CEP97: variants seen among roughly 807,000 people sequenced by gnomAD.
CEP97 encodes the protein centrosomal protein of 97 kDa.
Under a neutral mutation model 73.1 loss-of-function variants are expected in CEP97, and 43 were observed. The observed-to-expected ratio is 0.59, with a 90% CI of 0.46 to 0.76. CEP97 has a LOEUF of 0.76. CEP97 is among the 30% of genes least tolerant of loss of function. The pLI is 0.00. For synonymous variants in CEP97, 337 were observed against 370.0 expected (o/e 0.91, Z 1.02); for missense variants, 939 against 1,014.0 (o/e 0.93, Z 1.00).
intron 6 of CEP97, among the ~76,000 whole-genome samples, chr3:101,749,482 T>C (rs1264139180): frequency 7.4e-6 from 1 of 134,318 alleles, no homozygotes; most frequent in African/African-American, 2.8e-5. Context: ...TATAGCAGCA[T>C]GATTTATAGT....
chr3:101,764,424 C>T (rs1244180663), intron 10 of CEP97, among the ~76,000 whole-genome samples: 1 of 152,078 alleles, frequency 6.6e-6, no homozygotes, highest in Non-Finnish European at 1.5e-5. Context: ...CCAGCCTGAC[C>T]AACATGGGGA....
intron 6 of CEP97, among the ~76,000 whole-genome samples, chr3:101,749,265 A>G (rs1560015988): frequency 1.3e-5 from 2 of 151,112 alleles, no homozygotes; most frequent in South Asian, 2.1e-4. Flanking sequence ...TGTCCTTGTG[A>G]TAGTTTACTG....
intron 6 of CEP97, among the ~76,000 whole-genome samples, chr3:101,739,653 A>G (rs985633157): frequency 2.0e-5 from 3 of 152,200 alleles, no homozygotes; most frequent in African/African-American, 4.8e-5. Flanking sequence ...CACGACTGTA[A>G]TCCCAGCACT....
rs143625330 is a variant in CEP97 at position 101,745,992 on chromosome 3, G to A, written c.729-9438G>A. Among the ~76,000 whole-genome samples the A allele has an allele frequency of 8.7e-3, 1,317 of 152,146 alleles. 16 individuals are homozygous for A. The highest frequency in any genetic ancestry group is 0.031 in the African/African-American group (1,266 of 41,488). ...CATTGTTCAATTCCCACCTATGAGT[G>A]AGAATATGCGGTGTTTGGTTTTTTG... On this transcript the variant is annotated intron_variant, in intron 6 of 10. Transcript: ENST00000341893.
chr3:101,745,774 C>CTT (rs939023256), intron 6 of CEP97, among the ~76,000 whole-genome samples: 1 of 151,022 alleles, frequency 6.6e-6, no homozygotes, highest in South Asian at 2.1e-4. Context: ...TATTATTATA[C>CTT]TTTAAGTTTT....
At chr3:101,758,688 GGA>G in intron 9 of CEP97, 1 of 387,982 alleles carries the variant, frequency 2.6e-6, no homozygotes, top group Non-Finnish European at 4.6e-6. Flanking sequence ...AGCTTTATAG[GGA>G]TCTATAATTC....
chr3:101,747,413 C>T (rs1013481718), intron 6 of CEP97, among the ~76,000 whole-genome samples: 5 of 150,854 alleles, frequency 3.3e-5, no homozygotes, highest in African/African-American at 1.2e-4. Flanking sequence ...GCGCCTGCCA[C>T]CACGCCCGGC....
At chr3:101,733,742 G>T (rs111892438) in intron 6 of CEP97, among the ~76,000 whole-genome samples, 1 of 151,970 alleles carries the variant, frequency 6.6e-6, no homozygotes, top group Non-Finnish European at 1.5e-5. Context: ...GTTTTAGCCG[G>T]TATGGTCTCG....
intron 3 of CEP97, 79 bp from the exon 4 acceptor site, chr3:101,728,757 T>G: frequency 1.1e-6 from 1 of 900,400 alleles, no homozygotes; most frequent in South Asian, 1.4e-5. Context: ...AGACACTCTT[T>G]CAGCTGCAAA....
rs1187765376 is a variant in CEP97, at chr3:101,765,161, C to G, written c.2208C>G (p.Ser736=). ...GTGAAAGCTCCATAATGGGGAATTC[C>G]ATTGACACAGTCAGATATGGCAAAG... ...EGSESSIMGN[S]IDTVRYGKES... is the part of the protein sequence containing the mutation. The change falls in exon 11 of 11, where the codon TCC becomes TCG. Residue 736 remains serine (S), a synonymous_variant. Transcript: ENST00000341893. 6 of 1,614,062 alleles carry G rather than the reference C, an allele frequency of 3.7e-6. No individual in the cohort carries two copies. Among genetic ancestry groups the G allele is most frequent in the Admixed American group, 3.3e-5 (2 of 60,006 alleles).
At chr3:101,748,826 G>C (rs1163291883) in intron 6 of CEP97, among the ~76,000 whole-genome samples, 1 of 152,098 alleles carries the variant, frequency 6.6e-6, no homozygotes, top group Non-Finnish European at 1.5e-5. Context: ...ATTTTTAGTA[G>C]AGACGGGGTT....
At chr3:101,762,288 T>C (rs2107192316) in intron 9 of CEP97, among the ~76,000 whole-genome samples, 197 bp from the exon 10 acceptor site, 1 of 152,334 alleles carries the variant, frequency 6.6e-6, no homozygotes, top group East Asian at 1.9e-4. Context: ...TGATGTCACT[T>C]ATAAAACTGT....
At position 101,765,367 on chromosome 3, in the gene CEP97, T is replaced by G. The variant is rs1247908017; in HGVS notation, c.2414T>G (p.Phe805Cys). The change falls in exon 11 of 11, where the codon TTC (phenylalanine) becomes TGC (cysteine). Residue 805 changes from phenylalanine (F) to cysteine (C), a missense_variant. Phe to Cys is a radical substitution (Grantham distance 205, BLOSUM62 -2). Transcript: ENST00000341893. ...GATAGCAAACTTCACATTGCTTGTT[T>G]CCCAGTACAGTTAGATACATTGTCT... ...TRDSKLHIACFPVQLDTLSDG... is the reference protein window; with the variant it reads ...TRDSKLHIACCPVQLDTLSDG... 1 of 1,614,072 alleles carries G rather than the reference T, an allele frequency of 6.2e-7. No individual in the cohort carries two copies. The highest frequency in any genetic ancestry group is 8.5e-7 in the Non-Finnish European group (1 of 1,180,042).
chr3:101,763,098 C>T (rs901338601), intron 10 of CEP97: 7 of 1,192,182 alleles, frequency 5.9e-6, no homozygotes, highest in Non-Finnish European at 5.5e-6. Flanking sequence ...TTCATTTCTT[C>T]TTTTTTATAG....
intron 10 of CEP97, 117 bp from the exon 11 acceptor site, chr3:101,764,730 C>G: frequency 1.2e-6 from 1 of 823,894 alleles, no homozygotes. Context: ...CTGCAGTGAG[C>G]CATGATTGTG....
At chr3:101,732,717 A>G (rs1357600861) in intron 6 of CEP97, 63 bp downstream of exon 6, 11 of 1,372,972 alleles carry the variant, frequency 8.0e-6, no homozygotes, top group Non-Finnish European at 1.1e-5. Flanking sequence ...TTTACTACAG[A>G]TTAATAGAGT....
chr3:101,732,034 T>G (rs1376553930), intron 5 of CEP97, 81 bp downstream of exon 5: 2 of 795,602 alleles, frequency 2.5e-6, no homozygotes, highest in African/African-American at 1.7e-5. Flanking sequence ...GAGCTTACTT[T>G]TAGACTGTGA....
At chr3:101,744,028 A>G (rs1404207013) in intron 6 of CEP97, among the ~76,000 whole-genome samples, 1 of 151,424 alleles carries the variant, frequency 6.6e-6, no homozygotes, top group Non-Finnish European at 1.5e-5. Context: ...AAAGACTGAT[A>G]ATACTAAGGA....
intron 9 of CEP97, among the ~76,000 whole-genome samples, chr3:101,759,831 A>G (rs1030770500): frequency 6.6e-6 from 1 of 152,100 alleles, no homozygotes; most frequent in Non-Finnish European, 1.5e-5. Context: ...TGAGAGGTAA[A>G]GAGTTTGAAG....
Sources: gnomAD v4.1 joint callset for allele counts (sites outside exome capture counted in the v4.1 genomes callset) on GRCh38, gnomAD v4.1.1 for gene constraint, MANE v1.5 for transcripts, NCBI Gene and HGNC (gene_info 2026-07-23, HGNC 2026-07-21) for gene names.